GPR158: variants seen among roughly 807,000 people sequenced by gnomAD.
GPR158 encodes metabotropic glycine receptor.
In GPR158, 30 loss-of-function variants were observed where a neutral mutation model predicts 78.2. The observed-to-expected ratio is 0.38, with a 90% CI of 0.29 to 0.52. The LOEUF (loss-of-function observed/expected upper bound fraction) is 0.52, where lower values mean the gene tolerates loss of function less well. Ranked by LOEUF, GPR158 falls within the 20% of genes least tolerant of loss-of-function variation. The probability of loss-of-function intolerance (pLI) is 0.83; values close to 1 mark genes in which losing one functional copy is unlikely to be tolerated. For missense variants in GPR158, 1,463 were observed against 1,523.5 expected, an observed-to-expected ratio of 0.96 and a Z score of 0.66; for synonymous variants, 581 against 591.1, an observed-to-expected ratio of 0.98 and a Z score of 0.25.
intron 4 of GPR158, among the ~76,000 whole-genome samples, chr10:25,458,627 C>G (rs1206376562): frequency 6.6e-6 from 1 of 152,212 alleles, no homozygotes; most frequent in East Asian, 1.9e-4. Flanking sequence ...TATTGCCAAT[C>G]TCTGCAACAA....
intron 2 of GPR158, among the ~76,000 whole-genome samples, chr10:25,334,461 C>A (rs894746004): frequency 1.3e-5 from 2 of 152,054 alleles, no homozygotes; most frequent in Non-Finnish European, 2.9e-5. Context: ...AGCTTCAATG[C>A]ATATGACAAC....
At chr10:25,274,575 C>A (rs571684770) in intron 2 of GPR158, among the ~76,000 whole-genome samples, 9 of 152,126 alleles carry the variant, frequency 5.9e-5, no homozygotes, top group Middle Eastern at 3.2e-3. Context: ...AGCTGAAAAA[C>A]AAATGATCCA....
chr10:25,295,428 T>A (rs889429205), intron 2 of GPR158, among the ~76,000 whole-genome samples: 2 of 152,164 alleles, frequency 1.3e-5, no homozygotes, highest in Admixed American at 1.3e-4. Flanking sequence ...CTTTCTTTTT[T>A]TTTGAGACGA....
chr10:25,319,098 A>G (rs140304266), intron 2 of GPR158, among the ~76,000 whole-genome samples: 61 of 152,324 alleles, frequency 4.0e-4, no homozygotes, highest in Non-Finnish European at 7.2e-4. Context: ...TAAGCTGTAT[A>G]TAGTTCTCTT....
chr10:25,312,184 G>C (rs1411403975), intron 2 of GPR158, among the ~76,000 whole-genome samples: 1 of 151,930 alleles, frequency 6.6e-6, no homozygotes, highest in African/African-American at 2.4e-5. Context: ...CCATTTCAGA[G>C]GACTTGTTGG....
At position 25,186,664 on chromosome 10, in the gene GPR158, T is replaced by C. The variant is rs534112901; in HGVS notation, c.902+10342T>C. 1.8e-3 allele frequency among the ~76,000 whole-genome samples: 269 copies of C among 152,142 alleles called. 1 individual carries two copies. Among genetic ancestry groups the C allele is most frequent in the Non-Finnish European group, 4.4e-4 (30 of 68,000 alleles). On this transcript the variant is annotated intron_variant, in intron 1 of 10. Coordinates refer to ENST00000376351, the MANE Select transcript of GPR158 (RefSeq NM_020752.3). ...CCTGCACACATACACCCTCCCAAGATTAAACCAGGAAGAAGTTGAATCCCT... is the reference window on the plus strand; with the variant it reads ...CCTGCACACATACACCCTCCCAAGACTAAACCAGGAAGAAGTTGAATCCCT...
intron 2 of GPR158, among the ~76,000 whole-genome samples, chr10:25,303,601 A>G (rs751449978): frequency 6.6e-6 from 1 of 152,242 alleles, no homozygotes; most frequent in Non-Finnish European, 1.5e-5. Flanking sequence ...TATGTGTTAT[A>G]TGAACATTGT....
At chr10:25,533,968 T>C (rs1019447769) in intron 5 of GPR158, among the ~76,000 whole-genome samples, 9 of 152,132 alleles carry the variant, frequency 5.9e-5, no homozygotes, top group African/African-American at 2.2e-4. Context: ...TTGTAAGAAA[T>C]AAACAAGTTA....
chr10:25,509,730 T>C (rs1256739797), intron 5 of GPR158, among the ~76,000 whole-genome samples: 6 of 152,198 alleles, frequency 3.9e-5, no homozygotes, highest in African/African-American at 1.2e-4. Flanking sequence ...ATTTTTTTAT[T>C]TTTCGACGCA....
intron 5 of GPR158, among the ~76,000 whole-genome samples, chr10:25,543,879 A>G (rs1426530116): frequency 1.3e-5 from 2 of 152,186 alleles, no homozygotes; most frequent in African/African-American, 4.8e-5. Flanking sequence ...ATGGTTATGA[A>G]CCAAGTCCTT....
chr10:25,513,984 G>A (rs1836125215), intron 5 of GPR158, among the ~76,000 whole-genome samples: 1 of 152,238 alleles, frequency 6.6e-6, no homozygotes, highest in Admixed American at 6.5e-5. Flanking sequence ...TGAATAGAAT[G>A]TACATTCTGC....
At chr10:25,579,303 T>C (rs1837153715) in intron 7 of GPR158, among the ~76,000 whole-genome samples, 1 of 152,144 alleles carries the variant, frequency 6.6e-6, no homozygotes, top group Non-Finnish European at 1.5e-5. Flanking sequence ...TAATACAAAC[T>C]GACAAGTAAG....
chr10:25,488,501 AC>A (rs1434907920), intron 5 of GPR158, among the ~76,000 whole-genome samples: 3 of 152,178 alleles, frequency 2.0e-5, no homozygotes, highest in African/African-American at 7.2e-5. Flanking sequence ...TCTTTGTGAA[AC>A]AAAAAAAAGA....
At chr10:25,181,236 T>G (rs1459920742) in intron 1 of GPR158, among the ~76,000 whole-genome samples, 1 of 152,248 alleles carries the variant, frequency 6.6e-6, no homozygotes, top group Non-Finnish European at 1.5e-5. Context: ...ACTTCTGCTG[T>G]GGAGGCTTTT....
intron 2 of GPR158, among the ~76,000 whole-genome samples, chr10:25,279,653 C>T (rs917006321): frequency 2.6e-5 from 4 of 152,122 alleles, no homozygotes; most frequent in Non-Finnish European, 4.4e-5. Flanking sequence ...AGTGACCTCG[C>T]AGCTACACAG....
intron 5 of GPR158, among the ~76,000 whole-genome samples, chr10:25,501,564 T>G (rs984246188): frequency 6.6e-6 from 1 of 152,208 alleles, no homozygotes; most frequent in Non-Finnish European, 1.5e-5. Context: ...ACTTGCTGAA[T>G]GAACATAGAA....
intron 2 of GPR158, among the ~76,000 whole-genome samples, chr10:25,336,286 G>GA (rs1488308003): frequency 2.0e-5 from 3 of 151,738 alleles, no homozygotes; most frequent in South Asian, 2.1e-4. Flanking sequence ...ATACATAATA[G>GA]AAAAAAAGAC....
chr10:25,599,621 A>G lies in GPR158; in HGVS notation c.*347A>G, dbSNP rs745773566. On this transcript the variant is annotated 3_prime_UTR_variant, in exon 11 of 11. Coordinates refer to ENST00000376351, the MANE Select transcript of GPR158 (RefSeq NM_020752.3). Reference sequence around the variant, plus strand: ...GTAAACCAGGAGACACAGAAGACGTACCAGATTTGCAAAGAAAGAAAAGGT... The same window carrying G: ...GTAAACCAGGAGACACAGAAGACGTGCCAGATTTGCAAAGAAAGAAAAGGT... 9.7e-6 allele frequency: 2 copies of G among 205,208 alleles called. No individual in the cohort carries two copies. The highest frequency in any genetic ancestry group is 2.0e-5 in the Non-Finnish European group (2 of 101,924). 12.7% of individuals were successfully genotyped at this position (205,208 alleles called of 1,614,324 possible).
chr10:25,367,773 G>A (rs939931828), intron 2 of GPR158, among the ~76,000 whole-genome samples: 1 of 151,732 alleles, frequency 6.6e-6, no homozygotes, highest in Non-Finnish European at 1.5e-5. Context: ...CATTTCTTCA[G>A]ATGTCCCTTT....
Sources: gnomAD v4.1 joint callset for allele counts (sites outside exome capture counted in the v4.1 genomes callset) on GRCh38, gnomAD v4.1.1 for gene constraint, MANE v1.5 for transcripts, NCBI Gene and HGNC (gene_info 2026-07-23, HGNC 2026-07-21) for gene names.